Variants in BLTP3A observed in about 807,000 individuals in gnomAD.
The protein encoded by BLTP3A is bridge-like lipid transfer protein family member 3A, also known as ICBP90 binding protein 1.
At chr6:34,847,738 T>G in the BLTP3A span, among the ~76,000 whole-genome samples, 1 of 151,392 alleles carries the variant, frequency 6.6e-6, no homozygotes. Context: ...TCAAAAAAAC[T>G]TTTCCTTTTG....
chr6:34,797,780 T>G, the BLTP3A span, among the ~76,000 whole-genome samples: 1 of 152,214 alleles, frequency 6.6e-6, no homozygotes, highest in Non-Finnish European at 1.5e-5. Flanking sequence ...TTAAGACAAT[T>G]TAGTCCCCAT....
chr6:34,845,513 G>A, the BLTP3A span, among the ~76,000 whole-genome samples: 3 of 152,024 alleles, frequency 2.0e-5, no homozygotes, highest in Non-Finnish European at 2.9e-5. Flanking sequence ...CAACCTCCTG[G>A]GCTCAAGTGA....
At chr6:34,859,119 A>T in the BLTP3A span, 1 of 1,614,180 alleles carries the variant, frequency 6.2e-7, no homozygotes, top group Non-Finnish European at 8.5e-7. Flanking sequence ...CTGATGCCTC[A>T]TCAGACCAGG....
chr6:34,859,150 G>A, the BLTP3A span: 1 of 1,614,198 alleles, frequency 6.2e-7, no homozygotes, highest in Admixed American at 1.7e-5. Flanking sequence ...CCCTGAGAAG[G>A]TCTTGGAGGA....
the BLTP3A span, among the ~76,000 whole-genome samples, chr6:34,837,728 T>A: frequency 6.6e-6 from 1 of 151,798 alleles, no homozygotes; most frequent in Non-Finnish European, 1.5e-5. Context: ...ACTCTCATTC[T>A]GAAAGGAAAG....
At chr6:34,832,795 T>C in the BLTP3A span, among the ~76,000 whole-genome samples, 1 of 152,210 alleles carries the variant, frequency 6.6e-6, no homozygotes, top group South Asian at 2.1e-4. Context: ...CTGTGACCTG[T>C]CCATACTTGG....
At chr6:34,808,478 C>G in the BLTP3A span, among the ~76,000 whole-genome samples, 1 of 151,038 alleles carries the variant, frequency 6.6e-6, no homozygotes, top group Non-Finnish European at 1.5e-5. Context: ...TTTAGCAAGA[C>G]TGATCAAGGA....
the BLTP3A span, chr6:34,822,095 C>T: frequency 9.7e-7 from 1 of 1,028,670 alleles, no homozygotes; most frequent in Non-Finnish European, 1.4e-6. Context: ...CTCTCTGAGA[C>T]AGTGTGACTG....
At chr6:34,849,109 G>A in the BLTP3A span, among the ~76,000 whole-genome samples, 1 of 151,398 alleles carries the variant, frequency 6.6e-6, no homozygotes, top group Non-Finnish European at 1.5e-5. Context: ...AGCAATTCTT[G>A]TGCCTCAGCC....
the BLTP3A span, among the ~76,000 whole-genome samples, chr6:34,852,120 A>G: frequency 4.1e-4 from 63 of 151,972 alleles, 1 homozygote; most frequent in African/African-American, 2.4e-5. Flanking sequence ...CTACCCCACT[A>G]TGGCCAAGCT....
chr6:34,802,526 T>G, the BLTP3A span, among the ~76,000 whole-genome samples: 2 of 152,076 alleles, frequency 1.3e-5, no homozygotes, highest in African/African-American at 4.8e-5. Context: ...CCCACCACCA[T>G]GCTCAGCTTA....
chr6:34,794,885 A>G, the BLTP3A span, among the ~76,000 whole-genome samples: 1 of 151,906 alleles, frequency 6.6e-6, no homozygotes. Context: ...ACCGGGTTCA[A>G]GAGATTCCCC....
At chr6:34,822,709 T>C in the BLTP3A span, among the ~76,000 whole-genome samples, 4 of 151,762 alleles carry the variant, frequency 2.6e-5, no homozygotes, top group Non-Finnish European at 5.9e-5. Flanking sequence ...TACAAAAAAT[T>C]AGCCAGGTGT....
the BLTP3A span, among the ~76,000 whole-genome samples, chr6:34,799,684 T>C: frequency 1.3e-5 from 2 of 152,218 alleles, no homozygotes; most frequent in African/African-American, 2.4e-5. Context: ...TTGACTCTGC[T>C]ACTTCTAAGC....
At chr6:34,847,314 C>T in the BLTP3A span, among the ~76,000 whole-genome samples, 9 of 152,014 alleles carry the variant, frequency 5.9e-5, no homozygotes, top group African/African-American at 2.2e-4. Flanking sequence ...TCAGGGCATA[C>T]TGGCTTCATA....
At chr6:34,870,824 T>C in the BLTP3A span, 3 of 1,608,642 alleles carry the variant, frequency 1.9e-6, no homozygotes, top group Non-Finnish European at 2.5e-6. Flanking sequence ...GGCCGTTAAT[T>C]AGTTGTCTTC....
chr6:34,834,996 T>C, the BLTP3A span: 2 of 1,203,318 alleles, frequency 1.7e-6, no homozygotes, highest in Non-Finnish European at 2.3e-6. Flanking sequence ...TGTAAATCAG[T>C]GTTGCTCAAC....
At chr6:34,806,158 A>G in the BLTP3A span, among the ~76,000 whole-genome samples, 1 of 152,152 alleles carries the variant, frequency 6.6e-6, no homozygotes, top group African/African-American at 2.4e-5. Flanking sequence ...ATTATCATTT[A>G]TTTGCTTTGT....
the BLTP3A span, among the ~76,000 whole-genome samples, chr6:34,815,096 T>C: frequency 6.6e-6 from 1 of 152,210 alleles, no homozygotes; most frequent in East Asian, 1.9e-4. Context: ...ATGTGGGATA[T>C]TGCAAAGATT....
Sources: allele counts gnomAD v4.1 joint callset (sites outside exome capture counted in the v4.1 genomes callset), GRCh38; gene constraint gnomAD v4.1.1; transcripts MANE v1.5; gene names NCBI Gene and HGNC (gene_info 2026-07-23, HGNC 2026-07-21).